TM2D3: variants seen among roughly 807,000 people sequenced by gnomAD.
TM2D3 encodes TM2 domain containing 3, also known as TM2 domain-containing protein 3.
Under a neutral mutation model 27.3 loss-of-function variants are expected in TM2D3, and 33 were observed. The ratio of observed to expected loss-of-function variants is 1.21; its 90% CI spans 0.92 to 1.61. The LOEUF is 1.61. Ranked by LOEUF, TM2D3 falls within the 40% of genes most tolerant of loss-of-function variation. TM2D3 has a pLI of 0.00. For missense variants in TM2D3, 364 were observed against 320.8 expected (o/e 1.13, Z -1.03); for synonymous variants, 138 against 122.2 (o/e 1.13, Z -0.85).
At chr15:101,647,898 ATTTT>A (rs1247935989) in intron 3 of TM2D3, among the ~76,000 whole-genome samples, 1 of 150,716 alleles carries the variant, frequency 6.6e-6, no homozygotes. Flanking sequence ...TACACACATT[ATTTT>A]TTTTTCTTTT....
exon 5 of TM2D3, chr15:101,633,271 T>A (rs934339210): frequency 6.0e-6 from 1 of 167,682 alleles, no homozygotes; most frequent in African/African-American, 2.4e-5. Context: ...ACTTTTCTAT[T>A]GCTTTATAAC....
Position 101,648,822 on chromosome 15 carries a change from C to T in TM2D3, c.327+1182G>A, listed in dbSNP as rs189911598. Reference sequence around the variant, plus strand: ...CTTTTGAATCTTTTGCTTTAATGAGCAATGCAGCTAAAAAATAAGCACACT... The same window carrying T: ...CTTTTGAATCTTTTGCTTTAATGAGTAATGCAGCTAAAAAATAAGCACACT... On this transcript the variant is annotated intron_variant, in intron 3 of 5. Coordinates refer to ENST00000333202, the MANE Select transcript of TM2D3 (RefSeq NM_078474.3). 6.0e-3 allele frequency among the ~76,000 whole-genome samples: 896 copies of T among 148,470 alleles called. 8 individuals are homozygous for T. Among genetic ancestry groups the T allele is most frequent in the African/African-American group, 0.021 (829 of 38,742 alleles).
At chr15:101,635,751 G>A (rs1449311516) in intron 4 of TM2D3, 2 of 152,210 alleles carry the variant, frequency 1.3e-5, no homozygotes, top group Non-Finnish European at 2.9e-5. Flanking sequence ...ATGCCACATA[G>A]GGGCTCAGTA....
intron 4 of TM2D3, chr15:101,634,681 C>G (rs531594192): frequency 2.6e-5 from 4 of 152,050 alleles, no homozygotes; most frequent in Admixed American, 6.6e-5. Flanking sequence ...CATGATAGAC[C>G]GTATGTGAGC....
intron 4 of TM2D3, chr15:101,636,124 T>C (rs1433398469): frequency 2.6e-5 from 4 of 152,234 alleles, no homozygotes; most frequent in Non-Finnish European, 5.9e-5. Context: ...TGAAATAGTA[T>C]TCCATTATAT....
chr15:101,637,071 T>A (rs1896567651), downstream of TM2D3: 1 of 207,222 alleles, frequency 4.8e-6, no homozygotes, highest in Non-Finnish European at 1.0e-5. Context: ...AAGACACCAG[T>A]CAATACATGT....
intron 4 of TM2D3, chr15:101,635,735 G>C (rs757144629): frequency 1.4e-4 from 21 of 152,166 alleles, no homozygotes; most frequent in Non-Finnish European, 2.8e-4. Context: ...GGGCTCAGGA[G>C]GGTGCATGCC....
At chr15:101,647,410 C>T (rs1896844377) in intron 3 of TM2D3, among the ~76,000 whole-genome samples, 1 of 152,126 alleles carries the variant, frequency 6.6e-6, no homozygotes, top group Admixed American at 6.5e-5. Context: ...TTCCGAGTTG[C>T]CAACCTTCCC....
At position 101,651,620 on chromosome 15, in the gene TM2D3, G is replaced by C. The variant is rs182398840; in HGVS notation, c.169+76C>G. On this transcript the variant is annotated intron_variant, in intron 2 of 5. Transcript: ENST00000333202. ...ATGGAAAGTGACTTCGTATACTAAA[G>C]GGAATTTTTATAAAAACAAAGAGAA... is the stretch of plus-strand genomic sequence containing the variant. 2.3e-5 allele frequency: 33 copies of C among 1,414,378 alleles called. No homozygotes were observed. The East Asian group carries it at 6.6e-4, about 28-fold the overall frequency. The allele number at this position is 1,414,378 out of a possible 1,614,324, so 87.6% of individuals were successfully genotyped here. A position where few individuals can be genotyped will look rare whatever the true frequency, so the allele number is the denominator to read the frequency against.
downstream of TM2D3, among the ~76,000 whole-genome samples, chr15:101,637,582 G>A (rs1366389466): frequency 3.3e-5 from 5 of 152,112 alleles, no homozygotes; most frequent in South Asian, 4.1e-4. Flanking sequence ...TTTATAAGGT[G>A]CAACTCCCCA....
At chr15:101,635,874 T>C (rs1896541057) in intron 4 of TM2D3, 1 of 152,236 alleles carries the variant, frequency 6.6e-6, no homozygotes, top group Non-Finnish European at 1.5e-5. Context: ...TTCATCTTTC[T>C]TTCGCAGACT....
chr15:101,645,822 A>AAAG (rs1218759559), intron 4 of TM2D3: 1 of 152,068 alleles, frequency 6.6e-6, no homozygotes, highest in Non-Finnish European at 1.5e-5. Context: ...CAAAAAAAAA[A>AAAG]AAAATCAAAA....
At chr15:101,634,072 G>A (rs1399362862) in intron 4 of TM2D3, 1 of 181,462 alleles carries the variant, frequency 5.5e-6, no homozygotes, top group Non-Finnish European at 1.1e-5. Flanking sequence ...TCACTGGGCT[G>A]CCTCAGTAGT....
chr15:101,646,572 C>T (rs930341561), intron 4 of TM2D3, 153 bp downstream of exon 4: 64 of 732,418 alleles, frequency 8.7e-5, no homozygotes, highest in South Asian at 4.8e-4. Flanking sequence ...TACTTTAGTA[C>T]GTTGAGTTTA....
Position 101,649,454 on chromosome 15 carries a change from A to AC in TM2D3, c.327+549dup, listed in dbSNP as rs146843192. Among the ~76,000 whole-genome samples, 566 of 152,238 alleles carry AC rather than the reference A, an allele frequency of 3.7e-3. 20 individuals carry two copies. In the East Asian group the frequency reaches 0.1, roughly 27 times the overall value. On this transcript the variant is annotated intron_variant, in intron 3 of 5. Transcript: ENST00000333202. ...GCAACTATCTGGTGTTTTCTGTGGT[A>AC]CTTCAGGGTTTCATTTTTCACATTA...
chr15:101,645,181 A>C lies in TM2D3; in HGVS notation c.503-19T>G, dbSNP rs761322890. ...CGGTTACCTTAAAAAAAAAAAAGAA[A>C]GAAAAATACAGGGTATAAAAAATAC... On this transcript the variant is annotated intron_variant, in intron 4 of 5. Transcript: ENST00000333202. 1.9e-6 allele frequency: 3 copies of C among 1,574,922 alleles called. No homozygotes were observed. Among genetic ancestry groups the C allele is most frequent in the Non-Finnish European group, 2.6e-6 (3 of 1,157,810 alleles).
rs1896693468 is a variant in TM2D3, at chr15:101,642,499, C to G, written c.724G>C (p.Asp242His). 2 of 1,612,628 alleles carry G rather than the reference C, an allele frequency of 1.2e-6. No individual in the cohort carries two copies. The highest frequency in any genetic ancestry group is 2.7e-5 in the African/African-American group (2 of 74,902). The change falls in exon 6 of 6, where the codon GAT becomes CAT. Residue 242 changes from aspartate to histidine, a missense_variant. Coordinates refer to ENST00000333202, the MANE Select transcript of TM2D3 (RefSeq NM_078474.3). Reference protein sequence around the residue: ...LIGVGYVGPADGSLYI With the variant: ...LIGVGYVGPAHGSLYI ...CACAGCTAAATGTACAAAGAGCCAT[C>G]TGCTGGTCCAACATAGCCAACTCCA...
chr15:101,638,902 T>C (rs1023638108), downstream of TM2D3, among the ~76,000 whole-genome samples: 9 of 152,160 alleles, frequency 5.9e-5, no homozygotes, highest in Non-Finnish European at 1.3e-4. Flanking sequence ...TTTAGCTTAC[T>C]CCCAGCAATT....
chr15:101,644,197 T>C (rs1469097823), intron 5 of TM2D3, among the ~76,000 whole-genome samples: 1 of 152,154 alleles, frequency 6.6e-6, no homozygotes, highest in Non-Finnish European at 1.5e-5. Context: ...CTTTTACTTT[T>C]CAGTTACACT....
Sources: allele counts gnomAD v4.1 joint callset (sites outside exome capture counted in the v4.1 genomes callset), GRCh38; gene constraint gnomAD v4.1.1; transcripts MANE v1.5; gene names NCBI Gene and HGNC (gene_info 2026-07-23, HGNC 2026-07-21).